The following EBF2 variants were observed in gnomAD, a reference collection of about 807,000 sequenced individuals.
EBF2 encodes EBF transcription factor 2, also known as transcription factor COE2.
In EBF2, 21 loss-of-function variants were observed where a neutral mutation model predicts 72.8. The ratio of observed to expected loss-of-function variants is 0.29; its 90% CI spans 0.20 to 0.42. The LOEUF (loss-of-function observed/expected upper bound fraction) is 0.42. Ranked by LOEUF, EBF2 falls within the 10% of genes least tolerant of loss-of-function variation. The probability of loss-of-function intolerance (pLI) is 1.00; values close to 1 mark genes in which losing one functional copy is unlikely to be tolerated. For missense variants in EBF2, 637 were observed against 731.2 expected (o/e 0.87, Z 1.49); for synonymous variants, 299 against 274.2 (o/e 1.09, Z -0.89).
chr8:25,933,853 C>G (rs1803527009), intron 6 of EBF2, among the ~76,000 whole-genome samples: 1 of 151,958 alleles, frequency 6.6e-6, no homozygotes, highest in Admixed American at 6.6e-5. Flanking sequence ...AGATAAGAGA[C>G]AAAACTGGAA....
chr8:25,935,130 GCCCC>G (rs1197862096), intron 6 of EBF2, among the ~76,000 whole-genome samples: 3 of 151,992 alleles, frequency 2.0e-5, no homozygotes, highest in Admixed American at 2.0e-4. Flanking sequence ...GGTACCCAAG[GCCCC>G]CCATCCTTCA....
At chr8:25,967,138 C>T (rs922430405) in intron 6 of EBF2, among the ~76,000 whole-genome samples, 1 of 152,158 alleles carries the variant, frequency 6.6e-6, no homozygotes, top group Non-Finnish European at 1.5e-5. Flanking sequence ...TAATGGTGCA[C>T]ACAGCATGTT....
intron 6 of EBF2, among the ~76,000 whole-genome samples, chr8:25,950,311 T>C (rs1803840130): frequency 6.6e-6 from 1 of 152,232 alleles, no homozygotes; most frequent in South Asian, 2.1e-4. Flanking sequence ...CTACCTCATA[T>C]TAGATTTACA....
intron 6 of EBF2, among the ~76,000 whole-genome samples, chr8:26,025,436 T>A (rs373366891): frequency 6.6e-6 from 1 of 152,154 alleles, no homozygotes; most frequent in East Asian, 1.9e-4. Flanking sequence ...AGTGAATGAA[T>A]GATGGAACGA....
intron 10 of EBF2, among the ~76,000 whole-genome samples, chr8:25,866,471 T>G (rs1225618000): frequency 1.4e-5 from 2 of 142,902 alleles, no homozygotes; most frequent in Non-Finnish European, 3.0e-5. Flanking sequence ...ATATATAGGA[T>G]ATATAATATA....
At chr8:25,970,980 A>C (rs1257268058) in intron 6 of EBF2, among the ~76,000 whole-genome samples, 1 of 152,064 alleles carries the variant, frequency 6.6e-6, no homozygotes, top group African/African-American at 2.4e-5. Context: ...CTACAGGCAC[A>C]TGCCACCATG....
intron 6 of EBF2, among the ~76,000 whole-genome samples, chr8:25,982,872 T>C (rs1055313325): frequency 4.6e-5 from 7 of 151,950 alleles, no homozygotes; most frequent in African/African-American, 1.7e-4. Flanking sequence ...TATGTAAACA[T>C]AGTATATACA....
chr8:25,994,134 A>T (rs938658099), intron 6 of EBF2, among the ~76,000 whole-genome samples: 1 of 152,228 alleles, frequency 6.6e-6, no homozygotes, highest in Non-Finnish European at 1.5e-5. Flanking sequence ...GAGGAACACT[A>T]AAACCAATCA....
At position 26,044,919 on chromosome 8, in the gene EBF2, T is replaced by C; in HGVS notation, c.-60A>G. 2 of 1,562,596 alleles carry C rather than the reference T, an allele frequency of 1.3e-6. No individual in the cohort carries two copies. Among genetic ancestry groups the C allele is most frequent in the Non-Finnish European group, 1.7e-6 (2 of 1,147,614 alleles). On this transcript the variant is annotated 5_prime_UTR_variant, in exon 1 of 16. Coordinates refer to ENST00000520164, the MANE Select transcript of EBF2 (RefSeq NM_022659.4). This position sits in a 1 kb window ranked among gnomAD's most constrained non-coding sequence, Gnocchi z 4.1. ...GTAAGAGTTACAACACAGTCCTGAC[T>C]GTTCCCAACGTTGCCAGCAAATCGT...
At chr8:25,967,270 A>G (rs1223676121) in intron 6 of EBF2, among the ~76,000 whole-genome samples, 1 of 152,262 alleles carries the variant, frequency 6.6e-6, no homozygotes, top group Non-Finnish European at 1.5e-5. Context: ...GTTTTAGAAG[A>G]TACAAAGAAA....
chr8:25,920,707 AT>A (rs33940063), intron 6 of EBF2, among the ~76,000 whole-genome samples: 81,680 of 150,424 alleles, frequency 0.54, 24,162 homozygotes, highest in East Asian at 0.74. Flanking sequence ...TGGCTAATGG[AT>A]TTTTTTTTTT....
intron 6 of EBF2, among the ~76,000 whole-genome samples, chr8:25,914,968 T>G (rs531437227): frequency 6.6e-6 from 1 of 152,224 alleles, no homozygotes; most frequent in Non-Finnish European, 1.5e-5. Context: ...GCAATAAATT[T>G]TCTTATTTCC....
In EBF2 at chr8:25,997,287, T is replaced by C. The variant is rs1804649056; in HGVS notation, c.551+35798A>G. ...GCAATAGTTAAGAAAAAGAAAAAAT[T>C]AGGCCAGGCATTGTGGCTCACACTT... On this transcript the variant is annotated intron_variant, in intron 6 of 15. Transcript: ENST00000520164. Among the ~76,000 whole-genome samples, 3 of 152,254 alleles carry C rather than the reference T, an allele frequency of 2.0e-5. No homozygotes were observed. The South Asian group carries it at 6.2e-4, about 32-fold the overall frequency.
Position 25,964,181 on chromosome 8 carries a change from AAT to A in EBF2, c.552-55628_552-55627del, listed in dbSNP as rs200214694. Among the ~76,000 whole-genome samples the A allele has an allele frequency of 4.3e-4, 65 of 152,278 alleles. No individual in the cohort carries two copies. The East Asian group carries it at 0.012, about 28-fold the overall frequency. On this transcript the variant is annotated intron_variant, in intron 6 of 15. Transcript: ENST00000520164. ...ATTTGGATGAACCAATTTGAATAAG[AAT>A]ATCATACTCAAACAATCATTGGATA...
At chr8:25,854,914 T>C (rs573944203) in intron 14 of EBF2, among the ~76,000 whole-genome samples, 1 of 152,326 alleles carries the variant, frequency 6.6e-6, no homozygotes, top group East Asian at 1.9e-4. Flanking sequence ...CCTGCCTGTA[T>C]GGATTCTGTC....
chr8:26,041,853 T>A (rs1418303862), intron 2 of EBF2, among the ~76,000 whole-genome samples: 1 of 152,126 alleles, frequency 6.6e-6, no homozygotes. Context: ...AACCAGGCGC[T>A]ACTAAGGCCT....
intron 6 of EBF2, among the ~76,000 whole-genome samples, chr8:25,934,224 TACACACACACACACACACACACAC>T (rs71216403): frequency 6.6e-5 from 9 of 136,836 alleles, no homozygotes; most frequent in East Asian, 6.6e-4. Flanking sequence ...TTCATGTGCA[TACACACACACACACACACACACAC>T]ACACACACAC....
At chr8:25,938,831 G>A (rs944101705) in intron 6 of EBF2, among the ~76,000 whole-genome samples, 4 of 152,170 alleles carry the variant, frequency 2.6e-5, no homozygotes, top group Middle Eastern at 3.4e-3. Flanking sequence ...GGCTGGTATT[G>A]GGAGAAGGAC....
chr8:25,968,746 C>G (rs922116549), intron 6 of EBF2, among the ~76,000 whole-genome samples: 1 of 152,102 alleles, frequency 6.6e-6, no homozygotes, highest in South Asian at 2.1e-4. Flanking sequence ...TTAGTAGAGA[C>G]GGGGTTTCAC....
Sources: allele counts gnomAD v4.1 joint callset (sites outside exome capture counted in the v4.1 genomes callset), GRCh38; gene constraint gnomAD v4.1.1; non-coding constraint Gnocchi (gnomAD v3.1); transcripts MANE v1.5; gene names NCBI Gene and HGNC (gene_info 2026-07-23, HGNC 2026-07-21).